The following ADAM2 variants were observed in gnomAD, a reference collection of about 807,000 sequenced individuals.
The protein encoded by ADAM2 is disintegrin and metalloproteinase domain-containing protein 2.
A neutral mutation model predicts 99.3 loss-of-function variants in ADAM2; 101 were observed. The ratio of observed to expected loss-of-function variants is 1.02; its 90% CI spans 0.87 to 1.20. The LOEUF is 1.20. ADAM2 is among the 50% of genes most tolerant of loss of function. The pLI, the probability that ADAM2 is intolerant of heterozygous loss-of-function variation, is 0.00. For missense variants in ADAM2, 948 were observed against 878.7 expected (o/e 1.08, Z -1.00); for synonymous variants, 323 against 287.6 (o/e 1.12, Z -1.25).
At chr8:39,834,368 G>T (rs1286192573) in intron 2 of ADAM2, among the ~76,000 whole-genome samples, 1 of 151,968 alleles carries the variant, frequency 6.6e-6, no homozygotes, top group African/African-American at 2.4e-5. Context: ...TCTGATTTTG[G>T]ATGCTGTTTA....
chr8:39,820,810 T>C (rs116012532), intron 6 of ADAM2, among the ~76,000 whole-genome samples, 192 bp downstream of exon 6: 1 of 152,144 alleles, frequency 6.6e-6, no homozygotes, highest in East Asian at 1.9e-4. Context: ...TGATTGGAGT[T>C]CTGGAAAATT....
intron 7 of ADAM2, among the ~76,000 whole-genome samples, chr8:39,791,330 T>C (rs1037198269): frequency 3.9e-5 from 6 of 152,104 alleles, no homozygotes; most frequent in African/African-American, 7.2e-5. Context: ...AGTCTATTTT[T>C]GCACTATTGC....
intron 6 of ADAM2, among the ~76,000 whole-genome samples, chr8:39,815,608 C>A (rs925734307): frequency 6.6e-6 from 1 of 152,136 alleles, no homozygotes; most frequent in Non-Finnish European, 1.5e-5. Flanking sequence ...ACTTGGCAAG[C>A]ACTTCCTGGT....
chr8:39,760,635 G>C (rs62511160), intron 15 of ADAM2, among the ~76,000 whole-genome samples: 1 of 151,916 alleles, frequency 6.6e-6, no homozygotes, highest in African/African-American at 2.4e-5. Flanking sequence ...GCAGGAGAAT[G>C]GCGTGAACCC....
At chr8:39,823,569 C>T (rs2129588388) in intron 4 of ADAM2, among the ~76,000 whole-genome samples, 1 of 151,346 alleles carries the variant, frequency 6.6e-6, no homozygotes, top group Non-Finnish European at 1.5e-5. Context: ...TCATGGTTAC[C>T]TCTTGGGAGG....
rs1000750134 is a variant in ADAM2 at position 39,810,368 on chromosome 8, A to G, written c.514-902T>C. Among the ~76,000 whole-genome samples the G allele has an allele frequency of 2.0e-5, 3 of 152,234 alleles. No homozygotes were observed. In the East Asian group the frequency reaches 5.8e-4, roughly 29 times the overall value. ...TAACACCCCACTGTCAACATTAGAC[A>G]GATCAAAGAGACAGAACGTTAACAA... On this transcript the variant is annotated intron_variant, in intron 6 of 20. Transcript: ENST00000265708.
At chr8:39,800,751 T>C (rs1804172593) in intron 7 of ADAM2, among the ~76,000 whole-genome samples, 1 of 152,204 alleles carries the variant, frequency 6.6e-6, no homozygotes, top group South Asian at 2.1e-4. Context: ...TGTTCTTGTC[T>C]GGATGTCTTG....
chr8:39,807,651 T>C (rs1034850060), intron 7 of ADAM2, among the ~76,000 whole-genome samples: 2 of 152,146 alleles, frequency 1.3e-5, no homozygotes, highest in African/African-American at 4.8e-5. Flanking sequence ...TGGCCATCTG[T>C]AGGCTAGGAA....
chr8:39,749,077 AGTGATTTCT>A (rs1193154322), intron 18 of ADAM2, among the ~76,000 whole-genome samples: 2 of 152,052 alleles, frequency 1.3e-5, no homozygotes, highest in African/African-American at 4.8e-5. Flanking sequence ...GAAAGACTAA[AGTGATTTCT>A]GTCTTTATGC....
At chr8:39,791,820 G>T (rs1158015837) in intron 7 of ADAM2, among the ~76,000 whole-genome samples, 1 of 151,766 alleles carries the variant, frequency 6.6e-6, no homozygotes, top group Non-Finnish European at 1.5e-5. Flanking sequence ...TATATGCAAA[G>T]GTAAAAAAAA....
At chr8:39,759,623 C>T (rs1012570223) in intron 15 of ADAM2, among the ~76,000 whole-genome samples, 1 of 151,960 alleles carries the variant, frequency 6.6e-6, no homozygotes, top group Non-Finnish European at 1.5e-5. Context: ...TACACTCAAA[C>T]CTTTCAGAAA....
At chr8:39,800,198 G>C (rs1216693902) in intron 7 of ADAM2, among the ~76,000 whole-genome samples, 1 of 152,130 alleles carries the variant, frequency 6.6e-6, no homozygotes, top group African/African-American at 2.4e-5. Flanking sequence ...CTTCCTTCAG[G>C]AGCTTTTGCA....
rs779222694 is a variant in ADAM2, at chr8:39,838,200, G to A, written c.-15C>T. The A allele has an allele frequency of 2.5e-6, 4 of 1,614,114 alleles. No homozygotes were observed. Among genetic ancestry groups the A allele is most frequent in the Non-Finnish European group, 2.5e-6 (3 of 1,180,012 alleles). ...ACGCGCCACATGGCTTGAAGTCCTGGGTCCCAGCCGGAATAATGGCAGTTG... is the reference window on the plus strand; with the variant it reads ...ACGCGCCACATGGCTTGAAGTCCTGAGTCCCAGCCGGAATAATGGCAGTTG... On this transcript the variant is annotated 5_prime_UTR_variant, in exon 1 of 21. Coordinates refer to ENST00000265708, the MANE Select transcript of ADAM2 (RefSeq NM_001464.5).
chr8:39,781,928 G>C (rs977392552), intron 10 of ADAM2, among the ~76,000 whole-genome samples: 2 of 152,180 alleles, frequency 1.3e-5, no homozygotes, highest in Non-Finnish European at 2.9e-5. Context: ...ATGGCGACTT[G>C]ATCTCTATTA....
chr8:39,833,878 G>A, intron 3 of ADAM2, 66 bp downstream of exon 3: 1 of 862,692 alleles, frequency 1.2e-6, no homozygotes, highest in Non-Finnish European at 1.9e-6. Context: ...ATTACATTCT[G>A]GACAATTTCA....
chr8:39,806,410 A>T (rs546169341), intron 7 of ADAM2, among the ~76,000 whole-genome samples: 5 of 151,380 alleles, frequency 3.3e-5, no homozygotes, highest in African/African-American at 4.8e-5. Context: ...AGAATTGCCC[A>T]ACTATATTAT....
intron 15 of ADAM2, among the ~76,000 whole-genome samples, chr8:39,756,624 C>A (rs764399560): frequency 3.3e-5 from 5 of 152,156 alleles, no homozygotes; most frequent in Non-Finnish European, 5.9e-5. Flanking sequence ...TCAGCAAAAT[C>A]TCAGCAGTGA....
At chr8:39,791,603 C>G (rs1245965817) in intron 7 of ADAM2, among the ~76,000 whole-genome samples, 1 of 151,992 alleles carries the variant, frequency 6.6e-6, no homozygotes, top group Admixed American at 6.6e-5. Flanking sequence ...GTAAGTTCCT[C>G]TTGAATTTCA....
intron 19 of ADAM2, among the ~76,000 whole-genome samples, chr8:39,745,263 C>T (rs547305788): frequency 1.3e-5 from 2 of 152,230 alleles, no homozygotes; most frequent in East Asian, 3.9e-4. Context: ...TATTTGATAT[C>T]AGTTATTCCA....
Sources: allele counts gnomAD v4.1 joint callset (sites outside exome capture counted in the v4.1 genomes callset), GRCh38; gene constraint gnomAD v4.1.1; transcripts MANE v1.5; gene names NCBI Gene and HGNC (gene_info 2026-07-23, HGNC 2026-07-21).